ZNF423: variants seen among roughly 807,000 people sequenced by gnomAD.
ZNF423 encodes the protein zinc finger protein 423, also known as Ebf-associated zinc finger protein.
ZNF423 carries 12 observed loss-of-function variants against 95.8 expected under a neutral mutation model. The observed-to-expected ratio is 0.13, with a 90% CI of 0.08 to 0.20. The LOEUF is 0.20. Among genes scored for constraint, ZNF423 ranks in the 10% least tolerant of loss-of-function variants. ZNF423 has a pLI of 1.00. For synonymous variants in ZNF423, 749 were observed against 711.9 expected, an observed-to-expected ratio of 1.05 and a Z score of -0.83; for missense variants, 1,316 against 1,737.1, an observed-to-expected ratio of 0.76 and a Z score of 4.31.
chr16:49,853,954 T>C, intron 1 of ZNF423: 1 of 985,432 alleles, frequency 1.0e-6, no homozygotes, highest in African/African-American at 1.7e-5. Context: ...GAAATTCCAA[T>C]TCCACATTTT....
At chr16:49,837,125 G>A (rs1398928425) in intron 1 of ZNF423, among the ~76,000 whole-genome samples, 1 of 152,164 alleles carries the variant, frequency 6.6e-6, no homozygotes, top group Non-Finnish European at 1.5e-5. Flanking sequence ...GGACGTGGGT[G>A]ACAGTGATGG....
upstream of ZNF423, among the ~76,000 whole-genome samples, chr16:49,858,574 C>T (rs1222525015): frequency 6.6e-6 from 1 of 152,176 alleles, no homozygotes; most frequent in Non-Finnish European, 1.5e-5. The surrounding 1 kb of genome is among the most constrained non-coding windows in gnomAD (Gnocchi z 4.3). Context: ...GGGCGGAGGC[C>T]AGGACCGAGA....
intron 1 of ZNF423, chr16:49,846,918 T>C (rs1446947494): frequency 6.6e-6 from 1 of 152,408 alleles, no homozygotes; most frequent in Non-Finnish European, 1.5e-5. Context: ...TGTGTAGTCA[T>C]ACCAACCCAG....
chr16:49,556,434 C>A (rs981730224), intron 5 of ZNF423, among the ~76,000 whole-genome samples: 7 of 152,202 alleles, frequency 4.6e-5, no homozygotes, highest in African/African-American at 9.7e-5. Flanking sequence ...GCTAGCTGTC[C>A]TCTCCCATGG....
chr16:49,536,100 A>C (rs890352583), intron 5 of ZNF423, among the ~76,000 whole-genome samples: 7 of 152,216 alleles, frequency 4.6e-5, no homozygotes, highest in African/African-American at 1.7e-4. Flanking sequence ...GACAGTTACC[A>C]ACGGGCACAC....
chr16:49,773,267 C>T (rs930344026), intron 2 of ZNF423, among the ~76,000 whole-genome samples: 2 of 151,814 alleles, frequency 1.3e-5, no homozygotes, highest in African/African-American at 2.4e-5. Flanking sequence ...TGCAGTGAGC[C>T]GAGATGCCAC....
chr16:49,532,712 G>A (rs1968898621), intron 5 of ZNF423, among the ~76,000 whole-genome samples: 1 of 152,202 alleles, frequency 6.6e-6, no homozygotes, highest in Admixed American at 6.5e-5. Flanking sequence ...AACGGAGAAT[G>A]AGCTCAACCT....
chr16:49,638,467 G>A lies in ZNF423; in HGVS notation c.709C>T (p.Arg237Cys), dbSNP rs1972844712. 7.4e-6 allele frequency: 12 copies of A among 1,613,764 alleles called. No individual in the cohort carries two copies. Among genetic ancestry groups the A allele is most frequent in the South Asian group, 1.1e-5 (1 of 91,084 alleles). ...SKPFKCTVCKRGFSSTSSLQS... is the reference protein window; with the variant it reads ...SKPFKCTVCKCGFSSTSSLQS... ...AGCGAGCTGGTGGAGGAGAAGCCGC[G>A]CTTGCACACAGTGCACTTGAAGGGC... Residue 237 changes from arginine to cysteine, a missense_variant, in exon 4 of 8, where the codon CGC becomes TGC. Physicochemically the swap from Arg to Cys is radical, Grantham distance 180. This residue lies in a region of ZNF423 where 399 missense variants were observed against 478.5 expected (regional missense o/e 0.83). Transcript: ENST00000563137. This position sits in a 1 kb window ranked among gnomAD's most constrained non-coding sequence, Gnocchi z 5.6.
At chr16:49,644,814 G>A (rs1195171893) in intron 3 of ZNF423, among the ~76,000 whole-genome samples, 1 of 151,948 alleles carries the variant, frequency 6.6e-6, no homozygotes, top group Non-Finnish European at 1.5e-5. Flanking sequence ...TCGCCTGGGT[G>A]CATCCCACCT....
chr16:49,537,024 G>A (rs894343395), intron 5 of ZNF423, among the ~76,000 whole-genome samples: 1 of 152,212 alleles, frequency 6.6e-6, no homozygotes, highest in Non-Finnish European at 1.5e-5. Context: ...CAGCCCTTTT[G>A]CTGTTAGCAC....
At chr16:49,753,104 C>A (rs557307996) in intron 2 of ZNF423, among the ~76,000 whole-genome samples, 48 of 147,904 alleles carry the variant, frequency 3.2e-4, no homozygotes, top group African/African-American at 1.2e-3. Flanking sequence ...ATTAGCCAGG[C>A]GTGGTGGCGT....
At chr16:49,565,606 C>T (rs962598605) in intron 5 of ZNF423, among the ~76,000 whole-genome samples, 5 of 152,154 alleles carry the variant, frequency 3.3e-5, no homozygotes, top group Non-Finnish European at 7.3e-5. Context: ...GGACCTGGCT[C>T]AAGGCAACAC....
At chr16:49,514,199 C>T (rs1042891605) in intron 7 of ZNF423, among the ~76,000 whole-genome samples, 1 of 124,530 alleles carries the variant, frequency 8.0e-6, no homozygotes, top group African/African-American at 3.7e-5. Context: ...CACACACACA[C>T]ACACACACAC....
At chr16:49,753,779 C>T (rs1056860571) in intron 2 of ZNF423, among the ~76,000 whole-genome samples, 1 of 152,028 alleles carries the variant, frequency 6.6e-6, no homozygotes. Flanking sequence ...GCCTGTAATC[C>T]CAGCACTTTG....
chr16:49,682,990 C>T (rs760792272), intron 3 of ZNF423, among the ~76,000 whole-genome samples: 7 of 152,176 alleles, frequency 4.6e-5, no homozygotes, highest in Non-Finnish European at 7.3e-5. Flanking sequence ...GCTGAGGGAG[C>T]CGCTTTTCCG....
At chr16:49,628,207 A>G (rs111209634) in intron 4 of ZNF423, among the ~76,000 whole-genome samples, 2,680 of 142,486 alleles carry the variant, frequency 0.019, 81 homozygotes, top group African/African-American at 0.066. Context: ...TCCTTCATCT[A>G]CCCACCCATT....
At chr16:49,587,152 G>A (rs765192571) in intron 5 of ZNF423, among the ~76,000 whole-genome samples, 4 of 152,206 alleles carry the variant, frequency 2.6e-5, no homozygotes, top group South Asian at 2.1e-4. Flanking sequence ...CCCAGGGTGT[G>A]TAACGTCTTG....
At chr16:49,644,368 C>T (rs1404280866) in intron 3 of ZNF423, among the ~76,000 whole-genome samples, 2 of 151,730 alleles carry the variant, frequency 1.3e-5, no homozygotes, top group South Asian at 2.1e-4. Flanking sequence ...TAAAAATGAC[C>T]ATCCAGCCGG....
At chr16:49,738,729 G>A (rs1434789468) in intron 2 of ZNF423, among the ~76,000 whole-genome samples, 6 of 151,974 alleles carry the variant, frequency 3.9e-5, no homozygotes, top group Admixed American at 1.3e-4. Context: ...AGAGGGCAGC[G>A]GGGTCAGCAG....
Sources: gnomAD v4.1 joint callset for allele counts (sites outside exome capture counted in the v4.1 genomes callset) on GRCh38, gnomAD v4.1.1 for gene constraint, gnomAD v4.1.1 regional missense constraint, Gnocchi (gnomAD v3.1) non-coding constraint, MANE v1.5 for transcripts, NCBI Gene and HGNC (gene_info 2026-07-23, HGNC 2026-07-21) for gene names.